Variants in CACNA1D observed in about 807,000 individuals in gnomAD.
The protein encoded by CACNA1D is calcium voltage-gated channel subunit alpha1 D, also known as voltage-dependent L-type calcium channel subunit alpha-1D.
In CACNA1D, 55 loss-of-function variants were observed where a neutral mutation model predicts 257.1. The observed-to-expected ratio is 0.21, with a 90% CI of 0.17 to 0.27. The LOEUF (loss-of-function observed/expected upper bound fraction) is 0.27. Among genes scored for constraint, CACNA1D ranks in the 10% least tolerant of loss-of-function variants. CACNA1D has a pLI of 1.00. For missense variants in CACNA1D, 1,876 were observed against 2,784.0 expected (o/e 0.67, Z 7.34); for synonymous variants, 980 against 1,014.9 (o/e 0.97, Z 0.65).
intron 7 of CACNA1D, among the ~76,000 whole-genome samples, chr3:53,671,519 T>G (rs535208887): frequency 1.2e-4 from 19 of 152,362 alleles, no homozygotes; most frequent in Admixed American, 4.6e-4. Flanking sequence ...TCTGGATGAA[T>G]TACCCTCTGC....
intron 8 of CACNA1D, among the ~76,000 whole-genome samples, chr3:53,691,087 G>A (rs995839118): frequency 6.6e-6 from 1 of 152,060 alleles, no homozygotes; most frequent in Non-Finnish European, 1.5e-5. Context: ...GTGATTAAGT[G>A]ATCTGTTTCG....
chr3:53,645,685 T>A (rs1190523042), intron 3 of CACNA1D, among the ~76,000 whole-genome samples: 1 of 152,214 alleles, frequency 6.6e-6, no homozygotes, highest in Non-Finnish European at 1.5e-5. Context: ...AAATTTAAAT[T>A]TCTATTGTGA....
At chr3:53,599,171 T>C (rs1242209367) in intron 3 of CACNA1D, among the ~76,000 whole-genome samples, 1 of 152,228 alleles carries the variant, frequency 6.6e-6, no homozygotes, top group Admixed American at 6.5e-5. Context: ...TCACATTAGC[T>C]TAAAAATATT....
chr3:53,679,920 C>T (rs2094413455), intron 8 of CACNA1D, among the ~76,000 whole-genome samples: 1 of 152,156 alleles, frequency 6.6e-6, no homozygotes, highest in South Asian at 2.1e-4. Flanking sequence ...AAACTAAGCT[C>T]TGATTTGGCT....
chr3:53,563,123 G>A (rs1320859124), intron 3 of CACNA1D, among the ~76,000 whole-genome samples: 1 of 152,188 alleles, frequency 6.6e-6, no homozygotes, highest in African/African-American at 2.4e-5. Context: ...CAGTGGATAT[G>A]TGTGGACCCT....
chr3:53,677,817 G>C (rs903934537), intron 8 of CACNA1D, among the ~76,000 whole-genome samples: 1 of 152,244 alleles, frequency 6.6e-6, no homozygotes, highest in African/African-American at 2.4e-5. Context: ...AGACAACCAA[G>C]TCTTGAATGT....
At chr3:53,650,740 C>T (rs376541461) in intron 3 of CACNA1D, 39 bp from the exon 4 acceptor site, 5 of 1,610,594 alleles carry the variant, frequency 3.1e-6, no homozygotes, top group South Asian at 1.1e-5. Context: ...CCTCCCCTGC[C>T]CCTGCTTTTT....
intron 8 of CACNA1D, among the ~76,000 whole-genome samples, chr3:53,699,022 C>T (rs1359041717): frequency 6.6e-6 from 1 of 152,150 alleles, no homozygotes; most frequent in African/African-American, 2.4e-5. Context: ...ATGATGAATT[C>T]TTATGCAAAG....
intron 9 of CACNA1D, among the ~76,000 whole-genome samples, chr3:53,703,124 A>G (rs1384538456): frequency 2.0e-5 from 3 of 152,240 alleles, no homozygotes; most frequent in Non-Finnish European, 4.4e-5. Flanking sequence ...GTGATGAGAC[A>G]CATATTCTTG....
intron 9 of CACNA1D, among the ~76,000 whole-genome samples, chr3:53,706,912 C>G (rs2633728): frequency 0.12 from 17,823 of 152,070 alleles, 1,740 homozygotes; most frequent in African/African-American, 0.26. Context: ...TGAAGGTTCT[C>G]CTAGACCGCT....
intron 3 of CACNA1D, among the ~76,000 whole-genome samples, chr3:53,559,849 T>C (rs1052684078): frequency 6.6e-6 from 1 of 152,166 alleles, no homozygotes; most frequent in African/African-American, 2.4e-5. Context: ...GCCAAGCGCT[T>C]GAAGGTCAGG....
intron 9 of CACNA1D, among the ~76,000 whole-genome samples, chr3:53,711,924 A>G (rs896862813): frequency 2.6e-5 from 4 of 152,218 alleles, no homozygotes; most frequent in Non-Finnish European, 5.9e-5. Flanking sequence ...TTTTATCTGT[A>G]GCATTCACGG....
At position 53,595,327 on chromosome 3, in the gene CACNA1D, G is replaced by A. The variant is rs973492965; in HGVS notation, c.484-55452G>A. Among the ~76,000 whole-genome samples, 11 of 152,294 alleles carry A rather than the reference G, an allele frequency of 7.2e-5. No individual in the cohort carries two copies. In the South Asian group the frequency reaches 2.3e-3, roughly 32 times the overall value. On this transcript the variant is annotated intron_variant, in intron 3 of 47. Transcript: ENST00000350061. ...GGTGGACAGCATTTGGAGGATTTGG[G>A]TGGATCTAAGAATATTTTCATTTGG...
chr3:53,661,891 C>A lies in CACNA1D; in HGVS notation c.766+1616C>A, dbSNP rs1416435702. Among the ~76,000 whole-genome samples the A allele has an allele frequency of 2.0e-5, 3 of 152,292 alleles. 1 individual carries two copies. ...GGGAGATTTGTATGTAACTCTCCCCCAGGTCAGCAGGGAAAAATGTGAGTC... is the reference window on the plus strand; with the variant it reads ...GGGAGATTTGTATGTAACTCTCCCCAAGGTCAGCAGGGAAAAATGTGAGTC... On this transcript the variant is annotated intron_variant, in intron 5 of 47. Coordinates refer to ENST00000350061, the MANE Select transcript of CACNA1D (RefSeq NM_001128840.3).
intron 21 of CACNA1D, chr3:53,740,607 T>G (rs954769598): frequency 1.6e-5 from 7 of 429,338 alleles, no homozygotes; most frequent in Non-Finnish European, 2.5e-5. Context: ...AGTTTTTTTT[T>G]TTTGTTTTTT....
At chr3:53,520,771 A>C (rs1305035732) in intron 3 of CACNA1D, among the ~76,000 whole-genome samples, 3 of 152,132 alleles carry the variant, frequency 2.0e-5, no homozygotes, top group Non-Finnish European at 4.4e-5. Context: ...ATCTCAAAAA[A>C]AAAAAAATTA....
chr3:53,559,827 A>AC (rs1040245516), intron 3 of CACNA1D, among the ~76,000 whole-genome samples: 6 of 152,146 alleles, frequency 3.9e-5, no homozygotes, highest in African/African-American at 1.4e-4. Context: ...ACTTTACGTG[A>AC]CTGTGTCCAA....
At chr3:53,771,613 T>A (rs1198051427) in intron 32 of CACNA1D, among the ~76,000 whole-genome samples, 2 of 152,224 alleles carry the variant, frequency 1.3e-5, no homozygotes, top group Non-Finnish European at 2.9e-5. Flanking sequence ...AGGCACAGAA[T>A]CCTCGACAGT....
chr3:53,778,339 G>A (rs2095408674), intron 37 of CACNA1D, among the ~76,000 whole-genome samples: 1 of 152,148 alleles, frequency 6.6e-6, no homozygotes, highest in African/African-American at 2.4e-5. Context: ...TTGAGGCACA[G>A]TCATCCATTT....
Sources: gnomAD v4.1 joint callset for allele counts (sites outside exome capture counted in the v4.1 genomes callset) on GRCh38, gnomAD v4.1.1 for gene constraint, MANE v1.5 for transcripts, NCBI Gene and HGNC (gene_info 2026-07-23, HGNC 2026-07-21) for gene names.